The following TNKS variants were observed in gnomAD, a reference collection of about 807,000 sequenced individuals.
TNKS encodes poly [ADP-ribose] polymerase tankyrase-1.
TNKS carries 72 observed loss-of-function variants against 135.8 expected under a neutral mutation model. The ratio of observed to expected loss-of-function variants is 0.53; its 90% CI spans 0.44 to 0.64. The LOEUF (loss-of-function observed/expected upper bound fraction) is 0.64, where lower values mean the gene tolerates loss of function less well. TNKS is among the 30% of genes least tolerant of loss of function. The probability of loss-of-function intolerance (pLI) is 0.00; values close to 1 mark genes in which losing one functional copy is unlikely to be tolerated. For synonymous variants in TNKS, 849 were observed against 649.3 expected (o/e 1.31, Z -4.68); for missense variants, 1,769 against 1,674.0 (o/e 1.06, Z -0.99).
intron 2 of TNKS, among the ~76,000 whole-genome samples, chr8:9,596,780 G>A (rs143355236): frequency 6.6e-6 from 1 of 152,312 alleles, no homozygotes; most frequent in East Asian, 1.9e-4. Context: ...CACATCTTTT[G>A]TTTTGCCTGT....
chr8:9,730,113 ATCATTAC>A (rs1805360328), intron 13 of TNKS, among the ~76,000 whole-genome samples: 1 of 152,148 alleles, frequency 6.6e-6, no homozygotes, highest in African/African-American at 2.4e-5. Flanking sequence ...TTCAGATATT[ATCATTAC>A]TCACTTATTA....
intron 3 of TNKS, among the ~76,000 whole-genome samples, chr8:9,635,911 A>G (rs1277051675): frequency 6.6e-6 from 1 of 152,244 alleles, no homozygotes; most frequent in African/African-American, 2.4e-5. Flanking sequence ...GGACTAGAGG[A>G]GAAAAATGCT....
intron 2 of TNKS, among the ~76,000 whole-genome samples, chr8:9,599,792 A>T (rs770561690): frequency 2.0e-4 from 21 of 105,712 alleles, no homozygotes; most frequent in East Asian, 1.5e-3. Context: ...GTGCCTTTTT[A>T]AAAAAAAAAA....
rs189593679 is a variant in TNKS, at chr8:9,593,749, C to T, written c.898+13366C>T. 1.3e-5 allele frequency among the ~76,000 whole-genome samples: 2 copies of T among 152,252 alleles called. 1 individual carries two copies. Among genetic ancestry groups the T allele is most frequent in the Admixed American group, 1.3e-4 (2 of 15,306 alleles). On this transcript the variant is annotated intron_variant, in intron 2 of 26. Coordinates refer to ENST00000310430, the MANE Select transcript of TNKS (RefSeq NM_003747.3). ...AATTATCTGACCACTTCCATGGTTA[C>T]TTGTCCTTTGATGAAGTTAACATCC... is the stretch of plus-strand genomic sequence containing the variant.
intron 3 of TNKS, among the ~76,000 whole-genome samples, chr8:9,675,304 G>C (rs1333617834): frequency 6.6e-6 from 1 of 152,124 alleles, no homozygotes; most frequent in Admixed American, 6.5e-5. Flanking sequence ...CTCTTAATTT[G>C]CTGGTACCTT....
chr8:9,770,266 T>C lies in TNKS; in HGVS notation c.3897+4T>C. ...TGTCATCTACAGAGGAGAACAGGTA[T>C]GTTACTCATCAAACAAGCATAACCA... On this transcript the variant is annotated splice_donor_region_variant and intron_variant, in intron 26 of 26. Coordinates refer to ENST00000310430, the MANE Select transcript of TNKS (RefSeq NM_003747.3). 6.2e-7 allele frequency: 1 copy of C among 1,605,450 alleles called. No homozygotes were observed. Among genetic ancestry groups the C allele is most frequent in the Non-Finnish European group, 8.5e-7 (1 of 1,173,892 alleles).
At chr8:9,672,708 A>ACC (rs1802348650) in intron 3 of TNKS, among the ~76,000 whole-genome samples, 1 of 120,230 alleles carries the variant, frequency 8.3e-6, no homozygotes, top group Non-Finnish European at 1.8e-5. Context: ...ACACACACAC[A>ACC]CACAAAAAAA....
At chr8:9,572,257 C>T (rs1797782603) in intron 1 of TNKS, among the ~76,000 whole-genome samples, 1 of 152,114 alleles carries the variant, frequency 6.6e-6, no homozygotes, top group East Asian at 1.9e-4. Flanking sequence ...ATGAAAGTGT[C>T]TTTTCTCATA....
chr8:9,631,612 T>C (rs1423398165), intron 3 of TNKS, among the ~76,000 whole-genome samples: 2 of 152,250 alleles, frequency 1.3e-5, no homozygotes, highest in Non-Finnish European at 2.9e-5. Context: ...GATCATCTCA[T>C]TCATTCTAGT....
chr8:9,684,635 G>A (rs1471362634), intron 5 of TNKS, among the ~76,000 whole-genome samples: 1 of 152,024 alleles, frequency 6.6e-6, no homozygotes, highest in African/African-American at 2.4e-5. Flanking sequence ...ACTAGTATAT[G>A]TCACCAATTA....
intron 18 of TNKS, among the ~76,000 whole-genome samples, chr8:9,750,418 C>A (rs28608001): frequency 0.025 from 3,879 of 152,292 alleles, 157 homozygotes; most frequent in African/African-American, 0.085. Context: ...ACACACCAGT[C>A]CAGTTGACAA....
chr8:9,661,326 T>C (rs2128787705), intron 3 of TNKS, among the ~76,000 whole-genome samples: 1 of 152,282 alleles, frequency 6.6e-6, no homozygotes, highest in East Asian at 1.9e-4. Flanking sequence ...TTACCTGACT[T>C]CAAACTATAC....
chr8:9,630,153 G>T (rs4319098), intron 3 of TNKS, among the ~76,000 whole-genome samples: 46 of 152,048 alleles, frequency 3.0e-4, no homozygotes, highest in Non-Finnish European at 6.2e-4. Context: ...TTTATTCATG[G>T]CCTGATTCCC....
intron 2 of TNKS, among the ~76,000 whole-genome samples, chr8:9,595,142 G>C (rs908261906): frequency 6.7e-6 from 1 of 148,920 alleles, no homozygotes; most frequent in African/African-American, 2.5e-5. Context: ...TTTTTTTTGA[G>C]ACGGAGTCTT....
At chr8:9,753,019 T>C (rs1285782383) in intron 20 of TNKS, among the ~76,000 whole-genome samples, 1 of 152,092 alleles carries the variant, frequency 6.6e-6, no homozygotes, top group Non-Finnish European at 1.5e-5. Flanking sequence ...CTTCCTCTTT[T>C]GCTTCTTACG....
At chr8:9,558,353 AT>A (rs1797176923) in intron 1 of TNKS, 1 of 152,128 alleles carries the variant, frequency 6.6e-6, no homozygotes, top group Non-Finnish European at 1.5e-5. Context: ...ACTTTTGCCT[AT>A]TTGTTTGCTC....
In TNKS at chr8:9,775,331, A is replaced by T. The variant is rs765356811; in HGVS notation, c.3898-1319A>T. On this transcript the variant is annotated intron_variant, in intron 26 of 26. Transcript: ENST00000310430. Reference sequence around the variant, plus strand: ...TACAGACTGGTTACTGAGACTTCAGATTGGAAAGTCAGGAGAGATTTTCAA... The same window carrying T: ...TACAGACTGGTTACTGAGACTTCAGTTTGGAAAGTCAGGAGAGATTTTCAA... 3.3e-4 allele frequency among the ~76,000 whole-genome samples: 50 copies of T among 151,696 alleles called. 1 individual carries two copies. The highest frequency in any genetic ancestry group is 6.8e-4 in the Non-Finnish European group (46 of 67,924).
chr8:9,652,505 G>A (rs1801183852), intron 3 of TNKS, among the ~76,000 whole-genome samples: 3 of 152,138 alleles, frequency 2.0e-5, no homozygotes, highest in Admixed American at 1.3e-4. Flanking sequence ...ATTTAGGATA[G>A]TAAGATAAAA....
intron 2 of TNKS, among the ~76,000 whole-genome samples, chr8:9,606,246 C>G (rs1465601914): frequency 6.7e-6 from 1 of 150,198 alleles, no homozygotes; most frequent in East Asian, 2.0e-4. Context: ...ACTGTGCTTC[C>G]TTTGTTGAAA....
Sources: allele counts gnomAD v4.1 joint callset (sites outside exome capture counted in the v4.1 genomes callset), GRCh38; gene constraint gnomAD v4.1.1; transcripts MANE v1.5; gene names NCBI Gene and HGNC (gene_info 2026-07-23, HGNC 2026-07-21).